PTPN2: variants seen among roughly 807,000 people sequenced by gnomAD.
The protein encoded by PTPN2 is protein tyrosine phosphatase non-receptor type 2.
PTPN2 carries 19 observed loss-of-function variants against 57.3 expected under a neutral mutation model. The ratio of observed to expected loss-of-function variants is 0.33; its 90% confidence interval spans 0.23 to 0.49. The LOEUF is 0.49. PTPN2 is among the 20% of genes least tolerant of loss of function. The pLI is 0.99. For synonymous variants in PTPN2, 153 were observed against 164.9 expected (o/e 0.93, Z 0.55); for missense variants, 358 against 501.1 (o/e 0.71, Z 2.73).
chr18:12,811,165 G>GAT (rs771063894), intron 7 of PTPN2, among the ~76,000 whole-genome samples: 14 of 152,126 alleles, frequency 9.2e-5, no homozygotes, highest in Non-Finnish European at 1.8e-4. Flanking sequence ...ACTCGCCCAA[G>GAT]GATATGCACC....
intron 1 of PTPN2, among the ~76,000 whole-genome samples, chr18:12,866,729 C>A (rs2044006621): frequency 6.6e-6 from 1 of 152,034 alleles, no homozygotes; most frequent in Non-Finnish European, 1.5e-5. Flanking sequence ...TATATCTCGG[C>A]CGGGCGTGGT....
At chr18:12,810,621 A>G (rs1482513629) in intron 7 of PTPN2, among the ~76,000 whole-genome samples, 1 of 152,096 alleles carries the variant, frequency 6.6e-6, no homozygotes, top group East Asian at 1.9e-4. Flanking sequence ...TTTTTGTTTT[A>G]TAATAGTTGA....
At chr18:12,797,081 T>C (rs1568078825) in intron 8 of PTPN2, among the ~76,000 whole-genome samples, 1 of 152,158 alleles carries the variant, frequency 6.6e-6, no homozygotes, top group East Asian at 1.9e-4. Context: ...CAGAATTCAC[T>C]CTCTGAATTG....
chr18:12,854,028 C>G (rs528610758), intron 2 of PTPN2, among the ~76,000 whole-genome samples: 1 of 152,100 alleles, frequency 6.6e-6, no homozygotes, highest in East Asian at 1.9e-4. Context: ...AGGGCCTGAA[C>G]CAAGCCAATG....
intron 1 of PTPN2, among the ~76,000 whole-genome samples, chr18:12,859,955 C>T (rs1477565636): frequency 1.3e-5 from 2 of 151,774 alleles, no homozygotes; most frequent in Admixed American, 6.6e-5. Context: ...GAGTTTGAGA[C>T]GAGCCTGGCC....
chr18:12,844,617 G>A (rs1007385320), intron 2 of PTPN2, among the ~76,000 whole-genome samples: 1 of 152,030 alleles, frequency 6.6e-6, no homozygotes, highest in African/African-American at 2.4e-5. Flanking sequence ...TCTTTTTACT[G>A]TTACATTTTG....
At chr18:12,800,628 G>A (rs1403548851) in intron 8 of PTPN2, among the ~76,000 whole-genome samples, 1 of 151,880 alleles carries the variant, frequency 6.6e-6, no homozygotes, top group African/African-American at 2.4e-5. Flanking sequence ...AAAATTTCAG[G>A]TATTTAATTT....
intron 2 of PTPN2, among the ~76,000 whole-genome samples, chr18:12,837,600 C>T (rs1025772838): frequency 3.9e-5 from 6 of 152,004 alleles, no homozygotes; most frequent in Non-Finnish European, 5.9e-5. Context: ...AGCATGACAC[C>T]AGGAGAAAAA....
chr18:12,840,979 A>C, intron 2 of PTPN2: 1 of 1,441,288 alleles, frequency 6.9e-7, no homozygotes, highest in Non-Finnish European at 9.1e-7. Context: ...GCAATCATAC[A>C]CAATTTTTAG....
rs536002991 is a variant in PTPN2, at chr18:12,877,690, G to C, written c.69+6383C>G. Among the ~76,000 whole-genome samples, 65 of 152,314 alleles carry C rather than the reference G, an allele frequency of 4.3e-4. No individual in the cohort carries two copies. The South Asian group carries it at 0.013, about 31-fold the overall frequency. ...CACAAATGGTAAAAATTGTTCTCTA[G>C]CAATATTTGAACTACAAATTTCTAA... On this transcript the variant is annotated intron_variant, in intron 1 of 8. Coordinates refer to ENST00000309660, the MANE Select transcript of PTPN2 (RefSeq NM_002828.4).
intron 2 of PTPN2, among the ~76,000 whole-genome samples, chr18:12,853,943 T>G (rs1358192567): frequency 6.6e-6 from 1 of 151,894 alleles, no homozygotes; most frequent in Admixed American, 6.6e-5. Context: ...ACCATGAAAA[T>G]GGACTGAAGT....
chr18:12,848,497 T>C (rs1598843403), intron 2 of PTPN2, among the ~76,000 whole-genome samples: 1 of 152,204 alleles, frequency 6.6e-6, no homozygotes, highest in Non-Finnish European at 1.5e-5. Flanking sequence ...TAAGGCTAGG[T>C]CACAAAAGGC....
chr18:12,846,282 A>AT (rs1359560938), intron 2 of PTPN2, among the ~76,000 whole-genome samples: 2 of 152,170 alleles, frequency 1.3e-5, no homozygotes, highest in Non-Finnish European at 2.9e-5. Flanking sequence ...TTGTAAAGGG[A>AT]TACTTCAAGA....
At chr18:12,884,033 C>T (rs771090911) in intron 1 of PTPN2, 40 bp downstream of exon 1, 3 of 1,529,246 alleles carry the variant, frequency 2.0e-6, no homozygotes, top group Non-Finnish European at 2.6e-6. Context: ...GTCCGGGTCT[C>T]GGAGGAGGTC....
chr18:12,804,239 C>A (rs1239307942), intron 7 of PTPN2, among the ~76,000 whole-genome samples: 1 of 130,936 alleles, frequency 7.6e-6, no homozygotes, highest in Non-Finnish European at 1.5e-5. Flanking sequence ...TTGCACTGAG[C>A]CAAAATCATG....
intron 4 of PTPN2, among the ~76,000 whole-genome samples, chr18:12,828,436 A>G (rs1190113516): frequency 1.3e-5 from 2 of 152,234 alleles, no homozygotes; most frequent in African/African-American, 4.8e-5. Flanking sequence ...AAAATATTAA[A>G]AATTGTAAAC....
At chr18:12,856,566 G>A (rs773912542) in intron 2 of PTPN2, among the ~76,000 whole-genome samples, 4 of 152,150 alleles carry the variant, frequency 2.6e-5, no homozygotes, top group Non-Finnish European at 4.4e-5. Context: ...CATACAGGAA[G>A]AGCCTGGTCC....
At chr18:12,844,808 A>T (rs2043160684) in intron 2 of PTPN2, among the ~76,000 whole-genome samples, 1 of 152,192 alleles carries the variant, frequency 6.6e-6, no homozygotes, top group African/African-American at 2.4e-5. Context: ...TGTCATAGCT[A>T]AGAACTCTTC....
chr18:12,872,269 A>G (rs2044294033), intron 1 of PTPN2: 1 of 152,190 alleles, frequency 6.6e-6, no homozygotes, highest in Non-Finnish European at 1.5e-5. Context: ...TATGAAGTAA[A>G]CTGTAATGAG....
Sources: allele counts gnomAD v4.1 joint callset (sites outside exome capture counted in the v4.1 genomes callset), GRCh38; gene constraint gnomAD v4.1.1; transcripts MANE v1.5; gene names NCBI Gene and HGNC (gene_info 2026-07-23, HGNC 2026-07-21).